SNX8: variants seen among roughly 807,000 people sequenced by gnomAD.
SNX8 encodes the protein sorting nexin-8.
In SNX8, 25 loss-of-function variants were observed where a neutral mutation model predicts 51.6. The ratio of observed to expected loss-of-function variants is 0.48; its 90% CI spans 0.35 to 0.68. The LOEUF (loss-of-function observed/expected upper bound fraction) is 0.68. Among genes scored for constraint, SNX8 ranks in the 30% least tolerant of loss-of-function variants. The pLI is 0.00. For missense variants in SNX8, 695 were observed against 624.0 expected (o/e 1.11, Z -1.21); for synonymous variants, 324 against 277.0 (o/e 1.17, Z -1.68).
intron 1 of SNX8, among the ~76,000 whole-genome samples, chr7:2,309,041 G>A (rs918954182): frequency 3.3e-4 from 50 of 151,848 alleles, no homozygotes; most frequent in African/African-American, 8.0e-4. Context: ...CGCCCACCTC[G>A]GCCTCCCAAA....
At chr7:2,284,396 CTTTTTTTTTTTT>C (rs751803296) in intron 1 of SNX8, among the ~76,000 whole-genome samples, 1 of 88,910 alleles carries the variant, frequency 1.1e-5, no homozygotes, top group Admixed American at 1.7e-4. Flanking sequence ...CTTTTATTTC[CTTTTTTTTTTTT>C]TTTTTTTTTT....
In SNX8 at chr7:2,346,491, T is replaced by C. The variant is rs1277131436; in HGVS notation, c.-66+7731A>G. Among the ~76,000 whole-genome samples, 3 of 150,296 alleles carry C rather than the reference T, an allele frequency of 2.0e-5. No homozygotes were observed. The Admixed American group carries it at 2.0e-4, about 10-fold the overall frequency. Reference sequence around the variant, plus strand: ...AGCCAGGCACGGTGGCTCACACCTGTAATCCCAGCACTTTGGGAGGCCGAG... The same window carrying C: ...AGCCAGGCACGGTGGCTCACACCTGCAATCCCAGCACTTTGGGAGGCCGAG... On this transcript the variant is annotated intron_variant, in intron 1 of 5. Transcript: ENST00000435336.
upstream of SNX8, chr7:2,314,478 C>A (rs996731282): frequency 5.1e-5 from 60 of 1,182,068 alleles, no homozygotes; most frequent in African/African-American, 3.2e-5. Flanking sequence ...GCAGCCCTGC[C>A]GCGCCGCGCC....
chr7:2,341,759 G>A (rs983151575), intron 1 of SNX8, among the ~76,000 whole-genome samples: 5 of 152,024 alleles, frequency 3.3e-5, no homozygotes, highest in African/African-American at 4.8e-5. Flanking sequence ...GGCTGACGCA[G>A]GCAGATCACC....
intron 1 of SNX8, among the ~76,000 whole-genome samples, chr7:2,294,167 G>A (rs1454395348): frequency 1.3e-5 from 2 of 151,908 alleles, no homozygotes; most frequent in East Asian, 1.9e-4. Flanking sequence ...GGAGGCTGAG[G>A]CCAGAGAATC....
intron 1 of SNX8, 128 bp from the exon 2 acceptor site, chr7:2,278,433 C>A: frequency 3.3e-6 from 2 of 605,876 alleles, no homozygotes; most frequent in Non-Finnish European, 2.9e-6. Flanking sequence ...CACTTGAGCC[C>A]TGGAGTTCAA....
chr7:2,264,495 C>T lies in SNX8; in HGVS notation c.622-37G>A, dbSNP rs77150155. 7,705 of 1,583,838 alleles carry T rather than the reference C, an allele frequency of 4.9e-3. 321 individuals are homozygous for T. In the African/African-American group the frequency reaches 0.09, roughly 19 times the overall value. On this transcript the variant is annotated intron_variant, in intron 5 of 10. Coordinates refer to ENST00000222990, the MANE Select transcript of SNX8 (RefSeq NM_013321.4). ...ATGGGGGGAGAGACACTGTGTTAGT[C>T]GCTGGGGAGCACCTGTCAGACGGCA...
chr7:2,295,174 C>A (rs1273226095), intron 1 of SNX8, among the ~76,000 whole-genome samples: 1 of 152,034 alleles, frequency 6.6e-6, no homozygotes, highest in Non-Finnish European at 1.5e-5. Flanking sequence ...GAGGCCAAGG[C>A]GGGCAGATCA....
At position 2,257,003 on chromosome 7, in the gene SNX8, C is replaced by G; in HGVS notation, c.1155G>C (p.Thr385=). Residue 385 remains threonine, a synonymous_variant, in exon 10 of 11, where the codon ACG becomes ACC. Coordinates refer to ENST00000222990, the MANE Select transcript of SNX8 (RefSeq NM_013321.4). ...RIVEQENAIQ[T]MELRNYFSLY... ...GGGAGAAGTAGTTCCGCAGCTCCAT[C>G]GTCTGAATCGCGTTCTCCTGCTGCG... The G allele has an allele frequency of 6.2e-7, 1 of 1,609,356 alleles. No homozygotes were observed. The highest frequency in any genetic ancestry group is 8.5e-7 in the Non-Finnish European group (1 of 1,177,442).
chr7:2,257,061 C>G, intron 9 of SNX8, 38 bp from the exon 10 acceptor site: 1 of 1,561,968 alleles, frequency 6.4e-7, no homozygotes, highest in Non-Finnish European at 8.7e-7. Flanking sequence ...CCCGGCCCAG[C>G]CGGCGACGGG....
At chr7:2,284,279 C>G (rs1795971539) in intron 1 of SNX8, among the ~76,000 whole-genome samples, 1 of 151,950 alleles carries the variant, frequency 6.6e-6, no homozygotes, top group Non-Finnish European at 1.5e-5. Context: ...TGGTCAGGGG[C>G]CACAGTTTGA....
At chr7:2,275,081 C>T (rs750069969) in intron 3 of SNX8, 31 bp downstream of exon 3, 19 of 1,478,220 alleles carry the variant, frequency 1.3e-5, no homozygotes, top group African/African-American at 1.4e-5. Context: ...TCGCTCCCTC[C>T]GCCCCCGGTG....
At chr7:2,258,511 G>A (rs914672786) in intron 7 of SNX8, among the ~76,000 whole-genome samples, 1 of 151,986 alleles carries the variant, frequency 6.6e-6, no homozygotes, top group South Asian at 2.1e-4. Flanking sequence ...CAGAAAACCC[G>A]AGTTCCCATA....
Position 2,305,565 on chromosome 7 carries a change from T to C in SNX8, c.94+8763A>G, listed in dbSNP as rs145831047. Reference sequence around the variant, plus strand: ...TTTTATTAGAGAGGAGGTTTCACCATGTTGGTCATGCTGGTCTCGAACTCC... The same window carrying C: ...TTTTATTAGAGAGGAGGTTTCACCACGTTGGTCATGCTGGTCTCGAACTCC... On this transcript the variant is annotated intron_variant, in intron 1 of 10. Coordinates refer to ENST00000222990, the MANE Select transcript of SNX8 (RefSeq NM_013321.4). 4.3e-3 allele frequency among the ~76,000 whole-genome samples: 654 copies of C among 152,174 alleles called. 6 individuals are homozygous for C. The highest frequency in any genetic ancestry group is 0.015 in the African/African-American group (622 of 41,524).
intron 3 of SNX8, 22 bp from the exon 4 acceptor site, chr7:2,271,993 C>T: frequency 6.2e-7 from 1 of 1,613,494 alleles, no homozygotes. Context: ...CACGGGGTCA[C>T]TGGACAGAGT....
At chr7:2,329,870 C>T (rs1402667813) in intron 1 of SNX8, among the ~76,000 whole-genome samples, 1 of 151,498 alleles carries the variant, frequency 6.6e-6, no homozygotes, top group Non-Finnish European at 1.5e-5. Context: ...CTCTGTTCCC[C>T]AGGCTGGAGT....
chr7:2,320,009 G>A (rs537773657), intron 1 of SNX8, among the ~76,000 whole-genome samples: 5 of 152,100 alleles, frequency 3.3e-5, no homozygotes, highest in South Asian at 2.1e-4. Context: ...ACAAAAAACC[G>A]TAAATCGTTA....
intron 1 of SNX8, among the ~76,000 whole-genome samples, chr7:2,312,907 G>GT (rs548982760): frequency 0.026 from 4,015 of 151,698 alleles, 83 homozygotes; most frequent in Non-Finnish European, 0.041. Flanking sequence ...GTTTTGTTTT[G>GT]TTTTTTTTGA....
chr7:2,266,580 C>T (rs1196448426), intron 5 of SNX8, among the ~76,000 whole-genome samples: 1 of 152,114 alleles, frequency 6.6e-6, no homozygotes, highest in African/African-American at 2.4e-5. Context: ...CTCCTGACCT[C>T]GTGATCCACC....
Sources: gnomAD v4.1 joint callset for allele counts (sites outside exome capture counted in the v4.1 genomes callset) on GRCh38, gnomAD v4.1.1 for gene constraint, MANE v1.5 for transcripts, NCBI Gene and HGNC (gene_info 2026-07-23, HGNC 2026-07-21) for gene names.